CPA6: variants seen among roughly 807,000 people sequenced by gnomAD.
The protein encoded by CPA6 is carboxypeptidase B.
Under a neutral mutation model 63.3 loss-of-function variants are expected in CPA6, and 58 were observed. That is an observed-to-expected ratio of 0.92 (90% CI 0.74 to 1.14). CPA6 has a LOEUF of 1.14. CPA6 is among the 50% of genes most tolerant of loss of function. CPA6 has a pLI of 0.00. For synonymous variants in CPA6, 185 were observed against 179.0 expected, an observed-to-expected ratio of 1.03 and a Z score of -0.27; for missense variants, 565 against 526.6, an observed-to-expected ratio of 1.07 and a Z score of -0.71.
At chr8:67,549,684 T>A (rs1024240358) in intron 2 of CPA6, among the ~76,000 whole-genome samples, 3 of 152,202 alleles carry the variant, frequency 2.0e-5, no homozygotes, top group African/African-American at 7.2e-5. Flanking sequence ...TACTCTCTGC[T>A]TCGGTAAATT....
At position 67,687,154 on chromosome 8, in the gene CPA6, A is replaced by G. The variant is rs1334568410; in HGVS notation, c.116+58860T>C. 2.6e-5 allele frequency among the ~76,000 whole-genome samples: 4 copies of G among 152,154 alleles called. No homozygotes were observed. In the East Asian group the frequency reaches 7.7e-4, roughly 29 times the overall value. ...AAATTAATTGGGATAAATAATAGGA[A>G]TCTCACAGCATTTTTCTCTCACAGA... On this transcript the variant is annotated intron_variant, in intron 1 of 10. Coordinates refer to ENST00000297770, the MANE Select transcript of CPA6 (RefSeq NM_020361.5).
chr8:67,674,400 A>T (rs1019811255), intron 1 of CPA6, among the ~76,000 whole-genome samples: 1 of 152,160 alleles, frequency 6.6e-6, no homozygotes, highest in East Asian at 1.9e-4. Flanking sequence ...CTGAAAAACT[A>T]CTCTTGTCCA....
chr8:67,719,091 C>G (rs1349237179), intron 1 of CPA6, among the ~76,000 whole-genome samples: 3 of 152,084 alleles, frequency 2.0e-5, no homozygotes, highest in African/African-American at 7.2e-5. Context: ...AAGCTAGGCT[C>G]CAAATCTAGT....
chr8:67,545,070 C>G (rs527525696), intron 2 of CPA6, among the ~76,000 whole-genome samples: 1 of 152,148 alleles, frequency 6.6e-6, no homozygotes, highest in South Asian at 2.1e-4. Flanking sequence ...TAATTAATGA[C>G]TATAGAGTAT....
chr8:67,608,738 C>T (rs1202155572), intron 2 of CPA6, among the ~76,000 whole-genome samples: 1 of 152,310 alleles, frequency 6.6e-6, no homozygotes, highest in East Asian at 1.9e-4. Flanking sequence ...CAGCGCTCAC[C>T]CCAGCTCACC....
At chr8:67,711,311 A>G (rs185921786) in intron 1 of CPA6, among the ~76,000 whole-genome samples, 1 of 152,276 alleles carries the variant, frequency 6.6e-6, no homozygotes, top group Admixed American at 6.5e-5. Flanking sequence ...CAAACAATAA[A>G]CCCTTAACAA....
chr8:67,522,790 C>T (rs1016866938), intron 2 of CPA6, among the ~76,000 whole-genome samples: 3 of 152,222 alleles, frequency 2.0e-5, no homozygotes, highest in African/African-American at 7.2e-5. Context: ...TGCAGCATGC[C>T]TGGTCCAGCC....
intron 8 of CPA6, among the ~76,000 whole-genome samples, chr8:67,474,923 A>G (rs1163555615): frequency 2.0e-5 from 3 of 152,168 alleles, no homozygotes; most frequent in Admixed American, 2.0e-4. Context: ...TGAGGCTTTT[A>G]GTAGAGACTG....
chr8:67,483,796 G>A lies in CPA6; in HGVS notation c.810C>T (p.Ala270=), dbSNP rs770020245. Residue 270 remains alanine, a synonymous_variant, in exon 8 of 11, where the codon GCC becomes GCT. Transcript: ENST00000297770. ...ACCACTTCACTTTCCAGTTTCTATTGGCATCCACTCCACGGCAGCGAAACC... is the reference window on the plus strand; with the variant it reads ...ACCACTTCACTTTCCAGTTTCTATTAGCATCCACTCCACGGCAGCGAAACC... ...NSRFRCRGVD[A]NRNWKVKWCD... 2.5e-5 allele frequency: 40 copies of A among 1,613,910 alleles called. No individual in the cohort carries two copies. The highest frequency in any genetic ancestry group is 3.3e-5 in the Non-Finnish European group (39 of 1,179,974).
chr8:67,628,568 G>T (rs1416932093), intron 1 of CPA6, among the ~76,000 whole-genome samples: 1 of 152,190 alleles, frequency 6.6e-6, no homozygotes, highest in Non-Finnish European at 1.5e-5. Context: ...ACAGTTTCTT[G>T]TGTATCACTC....
chr8:67,436,784 ATAAT>A (rs1261952680), intron 8 of CPA6, among the ~76,000 whole-genome samples: 1 of 152,228 alleles, frequency 6.6e-6, no homozygotes, highest in Non-Finnish European at 1.5e-5. Flanking sequence ...AAATGTGGAA[ATAAT>A]TAGATTTTCC....
chr8:67,636,669 C>T (rs6472327), intron 1 of CPA6, among the ~76,000 whole-genome samples: 39,674 of 151,080 alleles, frequency 0.26, 5,746 homozygotes, highest in South Asian at 0.31. Context: ...TCAAGGAAAA[C>T]AGGACAGTTT....
chr8:67,589,112 T>C (rs1256480420), intron 2 of CPA6, among the ~76,000 whole-genome samples: 3 of 147,834 alleles, frequency 2.0e-5, no homozygotes, highest in East Asian at 1.9e-4. Context: ...AGCAAGACTC[T>C]TAAAAAAAAA....
At chr8:67,718,027 G>A (rs13275549) in intron 1 of CPA6, among the ~76,000 whole-genome samples, 5,334 of 152,188 alleles carry the variant, frequency 0.035, 136 homozygotes, top group Middle Eastern at 0.082. Flanking sequence ...AACACTAAAA[G>A]ACACAGACGT....
chr8:67,691,268 G>A (rs534575769), intron 1 of CPA6, among the ~76,000 whole-genome samples: 5 of 152,290 alleles, frequency 3.3e-5, no homozygotes, highest in Middle Eastern at 3.4e-3. Context: ...ACCTGTGATC[G>A]AGGTTGGTGG....
At chr8:67,692,442 A>AT (rs1816833072) in intron 1 of CPA6, among the ~76,000 whole-genome samples, 1 of 151,914 alleles carries the variant, frequency 6.6e-6, no homozygotes, top group Non-Finnish European at 1.5e-5. Flanking sequence ...TGAACATATA[A>AT]TTTTTTTCCA....
intron 1 of CPA6, among the ~76,000 whole-genome samples, chr8:67,683,614 GTTATTTGTCTAT>G (rs1289045466): frequency 2.6e-5 from 4 of 152,034 alleles, no homozygotes; most frequent in Admixed American, 1.3e-4. Flanking sequence ...ACTCATCAAT[GTTATTTGTCTAT>G]TGCAGTCTCT....
intron 8 of CPA6, among the ~76,000 whole-genome samples, chr8:67,455,890 T>C (rs1810667065): frequency 6.6e-6 from 1 of 151,960 alleles, no homozygotes; most frequent in Non-Finnish European, 1.5e-5. Context: ...AATTTTGGAA[T>C]TTTTTGTAAA....
At chr8:67,439,883 C>T (rs781500492) in intron 8 of CPA6, among the ~76,000 whole-genome samples, 4 of 152,060 alleles carry the variant, frequency 2.6e-5, no homozygotes, top group Non-Finnish European at 5.9e-5. Flanking sequence ...ACCTTAGATT[C>T]CCAAAATATT....
Sources: gnomAD v4.1 joint callset for allele counts (sites outside exome capture counted in the v4.1 genomes callset) on GRCh38, gnomAD v4.1.1 for gene constraint, MANE v1.5 for transcripts, NCBI Gene and HGNC (gene_info 2026-07-23, HGNC 2026-07-21) for gene names.